HS3ST5: variants seen among roughly 807,000 people sequenced by gnomAD.
HS3ST5 encodes the protein heparan sulfate glucosamine 3-O-sulfotransferase 5.
A neutral mutation model predicts 25.4 loss-of-function variants in HS3ST5; 10 were observed. The ratio of observed to expected loss-of-function variants is 0.39; its 90% CI spans 0.24 to 0.67. The LOEUF (loss-of-function observed/expected upper bound fraction) is 0.67. Among genes scored for constraint, HS3ST5 ranks in the 30% least tolerant of loss-of-function variants. HS3ST5 has a pLI of 0.44. For missense variants in HS3ST5, 324 were observed against 420.7 expected (o/e 0.77, Z 2.01); for synonymous variants, 170 against 162.4 (o/e 1.05, Z -0.36).
At chr6:114,336,885 C>T (rs1776632911) in intron 1 of HS3ST5, among the ~76,000 whole-genome samples, 1 of 152,116 alleles carries the variant, frequency 6.6e-6, no homozygotes, top group African/African-American at 2.4e-5. Context: ...CCAAACTATA[C>T]TCAAATAGTA....
intron 1 of HS3ST5, among the ~76,000 whole-genome samples, chr6:114,295,484 G>T (rs373922277): frequency 1.1e-4 from 17 of 152,260 alleles, no homozygotes; most frequent in African/African-American, 4.1e-4. Context: ...AGATGTATCA[G>T]ATAGGTAGAG....
At chr6:114,213,859 T>C (rs2114449273) in intron 2 of HS3ST5, among the ~76,000 whole-genome samples, 1 of 152,282 alleles carries the variant, frequency 6.6e-6, no homozygotes, top group Non-Finnish European at 1.5e-5. Flanking sequence ...CTCTAGCAAA[T>C]CAAATTGCTT....
chr6:114,170,139 CAGTT>C (rs1016264251), intron 2 of HS3ST5, among the ~76,000 whole-genome samples: 9 of 152,112 alleles, frequency 5.9e-5, no homozygotes, highest in African/African-American at 1.9e-4. Context: ...TAAAATTTAT[CAGTT>C]ATTTATTCAC....
At chr6:114,151,015 G>C (rs775120733) in intron 3 of HS3ST5, among the ~76,000 whole-genome samples, 4 of 152,060 alleles carry the variant, frequency 2.6e-5, no homozygotes, top group Non-Finnish European at 5.9e-5. Context: ...AAACCAGAAA[G>C]CACATATTCG....
intron 1 of HS3ST5, among the ~76,000 whole-genome samples, chr6:114,306,436 T>G (rs747361031): frequency 6.6e-6 from 1 of 151,280 alleles, no homozygotes; most frequent in Non-Finnish European, 1.5e-5. Flanking sequence ...GGATTACAAA[T>G]AGTATATAAT....
At chr6:114,081,333 T>C (rs1169411461) in intron 3 of HS3ST5, among the ~76,000 whole-genome samples, 1 of 151,908 alleles carries the variant, frequency 6.6e-6, no homozygotes, top group African/African-American at 2.4e-5. Flanking sequence ...ACTTGCTCAA[T>C]GCAGGGTTGC....
intron 2 of HS3ST5, among the ~76,000 whole-genome samples, chr6:114,224,113 T>G (rs1051468727): frequency 2.0e-5 from 3 of 151,652 alleles, no homozygotes; most frequent in African/African-American, 7.2e-5. Context: ...TTTTAATTCC[T>G]AATTTCTTTA....
intron 3 of HS3ST5, among the ~76,000 whole-genome samples, chr6:114,122,712 C>G (rs925954573): frequency 6.6e-6 from 1 of 152,182 alleles, no homozygotes; most frequent in East Asian, 1.9e-4. Context: ...GCCTCCACCA[C>G]GTCCACCTTC....
chr6:114,106,503 T>C (rs888876376), intron 3 of HS3ST5, among the ~76,000 whole-genome samples: 1 of 152,084 alleles, frequency 6.6e-6, no homozygotes, highest in Non-Finnish European at 1.5e-5. Flanking sequence ...AAACTACATA[T>C]AATGGGCACA....
At chr6:114,077,631 C>T (rs1412915183) in intron 3 of HS3ST5, among the ~76,000 whole-genome samples, 1 of 152,182 alleles carries the variant, frequency 6.6e-6, no homozygotes, top group African/African-American at 2.4e-5. Flanking sequence ...AAGCTCCTCC[C>T]TCTGTTCCAT....
intron 3 of HS3ST5, among the ~76,000 whole-genome samples, chr6:114,128,495 A>G (rs1216586905): frequency 6.6e-6 from 1 of 152,196 alleles, no homozygotes; most frequent in East Asian, 1.9e-4. Flanking sequence ...AGCAAGCCAA[A>G]GTTCCTGCCT....
At chr6:114,216,041 T>C (rs1781743640) in intron 2 of HS3ST5, among the ~76,000 whole-genome samples, 1 of 152,180 alleles carries the variant, frequency 6.6e-6, no homozygotes, top group Non-Finnish European at 1.5e-5. Flanking sequence ...ACAATTGAAC[T>C]GGTATCTATT....
chr6:114,136,070 A>G (rs893139485), intron 3 of HS3ST5, among the ~76,000 whole-genome samples: 1 of 152,230 alleles, frequency 6.6e-6, no homozygotes, highest in Non-Finnish European at 1.5e-5. Flanking sequence ...TGAATGAATG[A>G]ATAAATCCTG....
intron 3 of HS3ST5, among the ~76,000 whole-genome samples, chr6:114,156,132 C>T (rs1295127413): frequency 6.6e-6 from 1 of 152,206 alleles, no homozygotes; most frequent in Non-Finnish European, 1.5e-5. Context: ...CTGAGTTTGA[C>T]TCTGTACACG....
intron 1 of HS3ST5, among the ~76,000 whole-genome samples, chr6:114,308,052 T>C (rs187971103): frequency 6.6e-6 from 1 of 152,222 alleles, no homozygotes. Flanking sequence ...ACATTGACAT[T>C]GTTCACAGAG....
At chr6:114,327,764 T>C (rs1203020093) in intron 1 of HS3ST5, among the ~76,000 whole-genome samples, 1 of 152,182 alleles carries the variant, frequency 6.6e-6, no homozygotes, top group Non-Finnish European at 1.5e-5. Flanking sequence ...ACTGATAATG[T>C]CACAATAGGC....
chr6:114,314,101 A>G (rs1775654206), intron 1 of HS3ST5, among the ~76,000 whole-genome samples: 1 of 151,902 alleles, frequency 6.6e-6, no homozygotes, highest in African/African-American at 2.4e-5. Context: ...AATATTTTGT[A>G]TTTCTTTGTA....
intron 3 of HS3ST5, among the ~76,000 whole-genome samples, chr6:114,128,003 C>T (rs1199776991): frequency 6.6e-6 from 1 of 151,520 alleles, no homozygotes; most frequent in Non-Finnish European, 1.5e-5. Flanking sequence ...TACAACCATA[C>T]AGCTGCCTGA....
chr6:114,204,760 C>G (rs982351754), intron 2 of HS3ST5, among the ~76,000 whole-genome samples: 1 of 152,006 alleles, frequency 6.6e-6, no homozygotes, highest in African/African-American at 2.4e-5. Flanking sequence ...TTTATTGAGT[C>G]TTTCCAAAGA....
Sources: gnomAD v4.1 joint callset for allele counts (sites outside exome capture counted in the v4.1 genomes callset) on GRCh38, gnomAD v4.1.1 for gene constraint, MANE v1.5 for transcripts, NCBI Gene and HGNC (gene_info 2026-07-23, HGNC 2026-07-21) for gene names.